USP15: variants seen among roughly 807,000 people sequenced by gnomAD.
The protein encoded by USP15 is ubiquitin specific peptidase 15, also known as ubiquitin carboxyl-terminal hydrolase 15.
A neutral mutation model predicts 127.1 loss-of-function variants in USP15; 18 were observed. The ratio of observed to expected loss-of-function variants is 0.14; its 90% CI spans 0.10 to 0.21. The LOEUF is 0.21. Ranked by LOEUF, USP15 falls within the 10% of genes least tolerant of loss-of-function variation. The pLI, the probability that USP15 is intolerant of heterozygous loss-of-function variation, is 1.00. For synonymous variants in USP15, 364 were observed against 393.7 expected (o/e 0.92, Z 0.89); for missense variants, 805 against 1,159.9 (o/e 0.69, Z 4.44).
At chr12:62,361,427 A>T (rs2066311591) in intron 8 of USP15, among the ~76,000 whole-genome samples, 1 of 150,702 alleles carries the variant, frequency 6.6e-6, no homozygotes, top group African/African-American at 2.5e-5. Flanking sequence ...TTAGAGAAAT[A>T]GAGAGGTTCT....
chr12:62,387,741 T>TAGAGG (rs1178610546), intron 11 of USP15, among the ~76,000 whole-genome samples: 5 of 152,054 alleles, frequency 3.3e-5, no homozygotes, highest in Non-Finnish European at 7.4e-5. Flanking sequence ...ATTTATAAAA[T>TAGAGG]AGAGGAGAAG....
intron 3 of USP15, among the ~76,000 whole-genome samples, chr12:62,314,369 A>G (rs992957379): frequency 7.2e-5 from 11 of 151,896 alleles, no homozygotes; most frequent in African/African-American, 2.7e-4. Context: ...GCTAAGAAGT[A>G]TGTTTGTATC....
In USP15 at chr12:62,415,983, C is replaced by A. The variant is rs1472359152; in HGVS notation, c.*11608C>A. 1 of 152,198 alleles carries A rather than the reference C, an allele frequency of 6.6e-6. No individual in the cohort carries two copies. Among genetic ancestry groups the A allele is most frequent in the African/African-American group, 2.4e-5 (1 of 41,462 alleles). The allele number at this position is 152,198 out of a possible 1,614,324, so 9.4% of individuals were successfully genotyped here. A position where few individuals can be genotyped will look rare whatever the true frequency, so the allele number is the denominator to read the frequency against. ...TCATACTCAAGTTCTAATAAACTTT[C>A]TTTAGCAAGAGAGCAAAGAGTATGG... On this transcript the variant is annotated 3_prime_UTR_variant, in exon 22 of 22. Transcript: ENST00000280377.
In USP15 at chr12:62,406,254, T is replaced by C. The variant is rs879863511; in HGVS notation, c.*1879T>C. 5 of 152,156 alleles carry C rather than the reference T, an allele frequency of 3.3e-5. No individual in the cohort carries two copies. Among genetic ancestry groups the C allele is most frequent in the Non-Finnish European group, 7.4e-5 (5 of 68,014 alleles). 9.4% of individuals were successfully genotyped at this position (152,156 alleles called of 1,614,324 possible). Reference sequence around the variant, plus strand: ...AATTATGTCAGAGCAAAATGAATCCTACTATTAAGGACGTTTTAAAGTTGA... The same window carrying C: ...AATTATGTCAGAGCAAAATGAATCCCACTATTAAGGACGTTTTAAAGTTGA... On this transcript the variant is annotated 3_prime_UTR_variant, in exon 22 of 22. Coordinates refer to ENST00000280377, the MANE Select transcript of USP15 (RefSeq NM_001252078.2).
rs117308673 is a variant in USP15 at position 62,320,973 on chromosome 12, C to T, written c.476-491C>T. 3.0e-3 allele frequency among the ~76,000 whole-genome samples: 451 copies of T among 152,170 alleles called. 5 individuals are homozygous for T. Among genetic ancestry groups the T allele is most frequent in the East Asian group, 0.019 (96 of 5,184 alleles). ...ATTTTGGTGAATACAGACATCCCTT[C>T]AAACAAGGCACTTTCTTTTTTATTG... On this transcript the variant is annotated intron_variant, in intron 4 of 21. Coordinates refer to ENST00000280377, the MANE Select transcript of USP15 (RefSeq NM_001252078.2).
At chr12:62,334,711 C>T (rs553257473) in intron 6 of USP15, among the ~76,000 whole-genome samples, 34 of 152,166 alleles carry the variant, frequency 2.2e-4, no homozygotes, top group Middle Eastern at 3.4e-3. Context: ...TATGAAGTTA[C>T]GTTGTTTTAC....
chr12:62,348,763 A>T (rs1451479524), intron 6 of USP15, among the ~76,000 whole-genome samples: 2 of 152,080 alleles, frequency 1.3e-5, no homozygotes, highest in Non-Finnish European at 2.9e-5. Context: ...GAATTATTTT[A>T]TCTATTTTGT....
intron 6 of USP15, among the ~76,000 whole-genome samples, chr12:62,331,586 T>A (rs916191048): frequency 6.6e-6 from 1 of 152,216 alleles, no homozygotes; most frequent in Non-Finnish European, 1.5e-5. Flanking sequence ...GTATTTTGTC[T>A]GTTCTATACT....
At chr12:62,392,142 C>G (rs1314524915) in intron 17 of USP15, 130 bp from the exon 18 acceptor site, 1 of 730,980 alleles carries the variant, frequency 1.4e-6, no homozygotes, top group Admixed American at 3.1e-5. Flanking sequence ...ATATAAATCT[C>G]AACTGAAATA....
intron 7 of USP15, among the ~76,000 whole-genome samples, chr12:62,354,313 G>A (rs1262771382): frequency 6.6e-6 from 1 of 151,928 alleles, no homozygotes; most frequent in Non-Finnish European, 1.5e-5. Flanking sequence ...ATTATAGCCA[G>A]TTGTGAATTG....
At position 62,407,326 on chromosome 12, in the gene USP15, A is replaced by G. The variant is rs376832815; in HGVS notation, c.*2951A>G. 6.6e-6 allele frequency: 1 copy of G among 152,206 alleles called. No homozygotes were observed. Among genetic ancestry groups the G allele is most frequent in the Non-Finnish European group, 1.5e-5 (1 of 68,034 alleles). The allele number at this position is 152,206 out of a possible 1,614,324, so 9.4% of individuals were successfully genotyped here. On this transcript the variant is annotated 3_prime_UTR_variant, in exon 22 of 22. Transcript: ENST00000280377. ...GAGCCAATATTCTATCCTCAGATAT[A>G]TACTACCTCTCACTGTGTTATAGTG... is the stretch of plus-strand genomic sequence containing the variant.
At chr12:62,337,352 G>A (rs1286791850) in intron 6 of USP15, among the ~76,000 whole-genome samples, 1 of 152,136 alleles carries the variant, frequency 6.6e-6, no homozygotes, top group East Asian at 1.9e-4. Context: ...TGGATTTACA[G>A]TTCCACATGG....
chr12:62,308,388 C>T (rs560861557), intron 3 of USP15, among the ~76,000 whole-genome samples: 5 of 152,102 alleles, frequency 3.3e-5, no homozygotes, highest in East Asian at 3.9e-4. Context: ...CCACATTGTA[C>T]GACAGTTGGT....
chr12:62,363,306 G>C (rs2066372441), intron 8 of USP15, among the ~76,000 whole-genome samples: 1 of 151,946 alleles, frequency 6.6e-6, no homozygotes, highest in Admixed American at 6.6e-5. Flanking sequence ...ATGAAAGCCA[G>C]AGTCCTTAAA....
At chr12:62,309,753 C>G (rs2064600040) in intron 3 of USP15, among the ~76,000 whole-genome samples, 1 of 151,552 alleles carries the variant, frequency 6.6e-6, no homozygotes, top group South Asian at 2.1e-4. Context: ...CTTTGAAAAG[C>G]ATTCATAATT....
At chr12:62,284,563 T>C (rs954653868) in intron 1 of USP15, among the ~76,000 whole-genome samples, 20 of 152,206 alleles carry the variant, frequency 1.3e-4, no homozygotes, top group African/African-American at 3.9e-4. Flanking sequence ...TTTGTTCTTA[T>C]AGTGCTATAT....
intron 11 of USP15, among the ~76,000 whole-genome samples, chr12:62,388,150 A>C (rs1439131185): frequency 8.0e-6 from 1 of 125,236 alleles, no homozygotes; most frequent in Non-Finnish European, 1.6e-5. Flanking sequence ...TTTGTTAATG[A>C]GACAGGGTCT....
chr12:62,295,575 AT>A (rs1385631207), intron 2 of USP15, among the ~76,000 whole-genome samples: 1 of 152,210 alleles, frequency 6.6e-6, no homozygotes, highest in African/African-American at 2.4e-5. Flanking sequence ...TTAAAAACAA[AT>A]CTCCCCCACA....
intron 6 of USP15, chr12:62,335,937 TG>T: frequency 2.0e-6 from 2 of 985,420 alleles, no homozygotes; most frequent in Non-Finnish European, 2.4e-6. Context: ...GTCCTTTGTC[TG>T]TCTAGCTCGG....
Sources: allele counts gnomAD v4.1 joint callset (sites outside exome capture counted in the v4.1 genomes callset), GRCh38; gene constraint gnomAD v4.1.1; transcripts MANE v1.5; gene names NCBI Gene and HGNC (gene_info 2026-07-23, HGNC 2026-07-21).